PTPRM: variants seen among roughly 807,000 people sequenced by gnomAD.
The protein encoded by PTPRM is protein tyrosine phosphatase receptor type M.
PTPRM carries 47 observed loss-of-function variants against 186.7 expected under a neutral mutation model. That is an observed-to-expected ratio of 0.25 (90% CI 0.20 to 0.32). The LOEUF (loss-of-function observed/expected upper bound fraction) is 0.32. PTPRM is among the 10% of genes least tolerant of loss of function. The pLI is 1.00. For missense variants in PTPRM, 1,494 were observed against 1,865.0 expected (o/e 0.80, Z 3.66); for synonymous variants, 668 against 674.9 (o/e 0.99, Z 0.16).
intron 1 of PTPRM, among the ~76,000 whole-genome samples, chr18:7,617,680 T>A (rs1467494425): frequency 6.6e-6 from 1 of 152,204 alleles, no homozygotes; most frequent in Non-Finnish European, 1.5e-5. Context: ...CTGGTGTGTG[T>A]GTGTAAATAT....
chr18:8,099,248 C>G (rs1195743779), intron 11 of PTPRM, among the ~76,000 whole-genome samples: 1 of 151,942 alleles, frequency 6.6e-6, no homozygotes, highest in African/African-American at 2.4e-5. Flanking sequence ...TGGCCCCCTG[C>G]CCATCTGTGT....
At chr18:7,844,420 A>G (rs561656833) in intron 2 of PTPRM, among the ~76,000 whole-genome samples, 10 of 152,274 alleles carry the variant, frequency 6.6e-5, no homozygotes, top group Admixed American at 4.6e-4. Context: ...CAGCTTCTCA[A>G]ATATAGATCT....
At chr18:7,928,218 C>G (rs1210457268) in intron 5 of PTPRM, among the ~76,000 whole-genome samples, 1 of 152,150 alleles carries the variant, frequency 6.6e-6, no homozygotes, top group Non-Finnish European at 1.5e-5. Context: ...TTTTCATACC[C>G]TACTGTCCCT....
intron 2 of PTPRM, among the ~76,000 whole-genome samples, chr18:7,859,977 T>C (rs2047282170): frequency 6.6e-6 from 1 of 152,204 alleles, no homozygotes; most frequent in African/African-American, 2.4e-5. Flanking sequence ...GGAGGGCTAG[T>C]AGATTGGAGG....
intron 7 of PTPRM, among the ~76,000 whole-genome samples, chr18:8,053,979 A>G (rs887674971): frequency 6.6e-5 from 10 of 151,970 alleles, no homozygotes; most frequent in Admixed American, 2.0e-4. Flanking sequence ...TTAATCCCCT[A>G]TTTGGTCACC....
At chr18:8,055,708 T>C (rs924263580) in intron 7 of PTPRM, among the ~76,000 whole-genome samples, 2 of 152,200 alleles carry the variant, frequency 1.3e-5, no homozygotes, top group East Asian at 3.8e-4. Flanking sequence ...AGCTTATATT[T>C]GGGTGGGCTT....
At chr18:7,673,454 G>A (rs1280974073) in intron 1 of PTPRM, among the ~76,000 whole-genome samples, 2 of 152,184 alleles carry the variant, frequency 1.3e-5, no homozygotes, top group East Asian at 3.9e-4. Flanking sequence ...ATTAATCTGC[G>A]TGAAGAAGGA....
chr18:7,591,463 A>G (rs1567971474), intron 1 of PTPRM, among the ~76,000 whole-genome samples: 1 of 152,160 alleles, frequency 6.6e-6, no homozygotes, highest in Non-Finnish European at 1.5e-5. Context: ...TCCCCAAAAT[A>G]AAACAACAGA....
At chr18:8,247,459 G>A (rs980800066) in intron 15 of PTPRM, among the ~76,000 whole-genome samples, 3 of 152,160 alleles carry the variant, frequency 2.0e-5, no homozygotes, top group South Asian at 4.1e-4. Flanking sequence ...ATTGGGAATC[G>A]TCTCCAAAAG....
intron 2 of PTPRM, among the ~76,000 whole-genome samples, chr18:7,861,829 A>G (rs1018890574): frequency 5.3e-5 from 8 of 152,114 alleles, no homozygotes; most frequent in African/African-American, 1.9e-4. Flanking sequence ...GCTAATATAG[A>G]CAAGCAGTAA....
chr18:7,816,975 A>AT (rs71354570), intron 2 of PTPRM, among the ~76,000 whole-genome samples: 82,612 of 138,520 alleles, frequency 0.6, 25,097 homozygotes, highest in East Asian at 0.93. Flanking sequence ...TAGTTAATTA[A>AT]TTTTTTTTTT....
At chr18:7,756,439 A>C (rs2041494431) in intron 1 of PTPRM, among the ~76,000 whole-genome samples, 1 of 152,196 alleles carries the variant, frequency 6.6e-6, no homozygotes, top group Non-Finnish European at 1.5e-5. Context: ...ATTTGAGGAA[A>C]TAAATCTCAC....
Position 7,966,930 on chromosome 18 carries a change from A to G in PTPRM, c.1132+11516A>G, listed in dbSNP as rs1276843539. Among the ~76,000 whole-genome samples, 65 of 125,294 alleles carry G rather than the reference A, an allele frequency of 5.2e-4. 5 individuals carry two copies. Among genetic ancestry groups the G allele is most frequent in the African/African-American group, 1.6e-3 (64 of 38,810 alleles). The allele number at this position is 125,294 out of a possible 152,430, so 82.2% of individuals were successfully genotyped here. A position where few individuals can be genotyped will look rare whatever the true frequency, so the allele number is the denominator to read the frequency against. Reference sequence around the variant, plus strand: ...GCTGAGGTAAACAAAGCAGCCTGGAAGCTCGAACTGGGTGGAGCCCACCAC... The same window carrying G: ...GCTGAGGTAAACAAAGCAGCCTGGAGGCTCGAACTGGGTGGAGCCCACCAC... On this transcript the variant is annotated intron_variant, in intron 7 of 32. Transcript: ENST00000580170.
chr18:7,826,371 A>G (rs551716518), intron 2 of PTPRM, among the ~76,000 whole-genome samples: 2 of 152,346 alleles, frequency 1.3e-5, no homozygotes, highest in Admixed American at 1.3e-4. Context: ...CTTCCCGTAC[A>G]GCAAGCTGAG....
intron 9 of PTPRM, among the ~76,000 whole-genome samples, chr18:8,077,999 A>G (rs1192179766): frequency 2.0e-5 from 3 of 152,200 alleles, no homozygotes; most frequent in East Asian, 3.8e-4. Context: ...TACTACTACA[A>G]TGGGGATGCA....
intron 23 of PTPRM, chr18:8,365,828 A>C (rs957499355): frequency 6.6e-6 from 1 of 152,334 alleles, no homozygotes; most frequent in African/African-American, 2.4e-5. Context: ...TCCTGTAGAC[A>C]TCTAGAGTCC....
intron 7 of PTPRM, among the ~76,000 whole-genome samples, chr18:8,013,814 C>T (rs184871309): frequency 6.6e-6 from 1 of 152,236 alleles, no homozygotes; most frequent in Admixed American, 6.5e-5. Flanking sequence ...TTTTCTGTAG[C>T]TTCAAAAATA....
chr18:7,653,531 C>T (rs1307405144), intron 1 of PTPRM, among the ~76,000 whole-genome samples: 1 of 152,062 alleles, frequency 6.6e-6, no homozygotes, highest in Non-Finnish European at 1.5e-5. Flanking sequence ...TCCATGAGTT[C>T]CCATCATTTA....
At chr18:8,146,505 T>TA (rs1306051547) in intron 14 of PTPRM, among the ~76,000 whole-genome samples, 1 of 151,384 alleles carries the variant, frequency 6.6e-6, no homozygotes, top group Non-Finnish European at 1.5e-5. Context: ...GGGATTGTTT[T>TA]TTTTTTCTTG....
Sources: gnomAD v4.1 joint callset for allele counts (sites outside exome capture counted in the v4.1 genomes callset) on GRCh38, gnomAD v4.1.1 for gene constraint, MANE v1.5 for transcripts, NCBI Gene and HGNC (gene_info 2026-07-23, HGNC 2026-07-21) for gene names.